Variants in FAM171A1 observed in about 807,000 individuals in gnomAD.
FAM171A1 encodes the protein protein FAM171A1.
In FAM171A1, 23 loss-of-function variants were observed where a neutral mutation model predicts 74.9. The ratio of observed to expected loss-of-function variants is 0.31; its 90% CI spans 0.22 to 0.44. The LOEUF is 0.44. Among genes scored for constraint, FAM171A1 ranks in the 20% least tolerant of loss-of-function variants. FAM171A1 has a pLI of 1.00. For synonymous variants in FAM171A1, 527 were observed against 505.7 expected (o/e 1.04, Z -0.57); for missense variants, 1,162 against 1,159.2 (o/e 1.00, Z -0.03).
upstream of FAM171A1, among the ~76,000 whole-genome samples, chr10:15,371,688 G>T (rs1836152479): frequency 1.3e-5 from 2 of 152,240 alleles, no homozygotes; most frequent in South Asian, 4.1e-4. Context: ...CGTGTTGGCG[G>T]GTGGACAGCT....
Position 15,213,330 on chromosome 10 carries a change from C to G in FAM171A1, c.2258G>C (p.Arg753Pro). Residue 753 changes from arginine to proline, a missense_variant, in exon 8 of 8, where the codon CGG becomes CCG. Coordinates refer to ENST00000378116, the MANE Select transcript of FAM171A1 (RefSeq NM_001010924.2). The surrounding 1 kb of genome is among the most constrained non-coding windows in gnomAD (Gnocchi z 6.8). Reference sequence around the variant, plus strand: ...AGACAAAGCATCTCCCCTTCCCTTCCGGGCTGATTTTGGTTCATTCATATC... The same window carrying G: ...AGACAAAGCATCTCCCCTTCCCTTCGGGGCTGATTTTGGTTCATTCATATC... The part of the protein sequence containing the change: ...GVDMNEPKSA[R>P]KGRGDALSLQ... 1 of 1,614,166 alleles carries G rather than the reference C, an allele frequency of 6.2e-7. No homozygotes were observed. Among genetic ancestry groups the G allele is most frequent in the Non-Finnish European group, 8.5e-7 (1 of 1,180,036 alleles).
chr10:15,332,530 C>T (rs1281218169), intron 1 of FAM171A1, among the ~76,000 whole-genome samples: 5 of 152,184 alleles, frequency 3.3e-5, no homozygotes, highest in Non-Finnish European at 7.3e-5. Context: ...TTGTCATATC[C>T]ATCAATGCTT....
chr10:15,314,020 C>A (rs1404885640), intron 1 of FAM171A1, among the ~76,000 whole-genome samples: 1 of 152,176 alleles, frequency 6.6e-6, no homozygotes, highest in Non-Finnish European at 1.5e-5. Flanking sequence ...TTCCTGAAGC[C>A]TTTTCTGTGT....
chr10:15,277,603 T>A (rs759737534), intron 2 of FAM171A1, among the ~76,000 whole-genome samples: 39 of 152,102 alleles, frequency 2.6e-4, no homozygotes, highest in Non-Finnish European at 3.5e-4. Flanking sequence ...TCACCCAATA[T>A]CCCACAGCTA....
In FAM171A1 at chr10:15,212,795, C is replaced by T. The variant is rs1833907029; in HGVS notation, c.*120G>A. ...ACACGGCAAACAGGAATGCAGTAAACGTCCACGTCCGTCCCACGGCTGGGC... is the reference window on the plus strand; with the variant it reads ...ACACGGCAAACAGGAATGCAGTAAATGTCCACGTCCGTCCCACGGCTGGGC... On this transcript the variant is annotated 3_prime_UTR_variant, in exon 8 of 8. Coordinates refer to ENST00000378116, the MANE Select transcript of FAM171A1 (RefSeq NM_001010924.2). 6 of 1,250,066 alleles carry T rather than the reference C, an allele frequency of 4.8e-6. No homozygotes were observed. The highest frequency in any genetic ancestry group is 6.7e-6 in the Non-Finnish European group (6 of 899,842). The allele number at this position is 1,250,066 out of a possible 1,614,324, so 77.4% of individuals were successfully genotyped here.
At chr10:15,249,098 C>CTTT (rs71390024) in intron 4 of FAM171A1, among the ~76,000 whole-genome samples, 60 of 133,862 alleles carry the variant, frequency 4.5e-4, no homozygotes, top group Admixed American at 2.2e-3. Context: ...TTTCTTTTTT[C>CTTT]TTTTTTTTTT....
At chr10:15,278,107 G>A (rs1834917781) in intron 2 of FAM171A1, among the ~76,000 whole-genome samples, 1 of 152,098 alleles carries the variant, frequency 6.6e-6, no homozygotes, top group South Asian at 2.1e-4. Flanking sequence ...GGCCGTGGAT[G>A]TGACCTCTTT....
At chr10:15,279,900 TAAAACAAAAC>T (rs142632154) in intron 2 of FAM171A1, among the ~76,000 whole-genome samples, 3 of 149,634 alleles carry the variant, frequency 2.0e-5, no homozygotes, top group African/African-American at 2.5e-5. Context: ...TCTTGAAAAA[TAAAACAAAAC>T]AAAACAAAAC....
intron 5 of FAM171A1, among the ~76,000 whole-genome samples, chr10:15,228,665 G>A (rs746310723): frequency 1.3e-5 from 2 of 152,192 alleles, no homozygotes; most frequent in African/African-American, 2.4e-5. Context: ...TTACTATGCT[G>A]AGATTTGTTA....
chr10:15,253,627 T>C (rs991167209), intron 4 of FAM171A1, among the ~76,000 whole-genome samples: 2 of 152,214 alleles, frequency 1.3e-5, no homozygotes, highest in South Asian at 4.1e-4. Context: ...TTTTTCAGAA[T>C]AATCAGTTTA....
intron 5 of FAM171A1, among the ~76,000 whole-genome samples, chr10:15,244,962 A>C (rs1003734237): frequency 3.9e-5 from 6 of 152,212 alleles, no homozygotes; most frequent in African/African-American, 1.4e-4. Flanking sequence ...GCTAGGCCAC[A>C]GTCCCCAGAA....
chr10:15,308,902 G>C (rs1048390285), intron 1 of FAM171A1, among the ~76,000 whole-genome samples: 3 of 151,710 alleles, frequency 2.0e-5, no homozygotes, highest in African/African-American at 7.3e-5. Flanking sequence ...CTGACCTCAA[G>C]TGATCCACCC....
chr10:15,332,956 C>A (rs74124812), intron 1 of FAM171A1, among the ~76,000 whole-genome samples: 4,918 of 152,262 alleles, frequency 0.032, 276 homozygotes, highest in African/African-American at 0.11. Context: ...ATCCTCAACA[C>A]AGAGCCCACC....
intron 1 of FAM171A1, among the ~76,000 whole-genome samples, chr10:15,299,215 G>A (rs564912344): frequency 6.6e-6 from 1 of 152,318 alleles, no homozygotes; most frequent in African/African-American, 2.4e-5. Context: ...CACCGCGCCA[G>A]GCCAGTTTTG....
chr10:15,212,636 T>C lies in FAM171A1; in HGVS notation c.*279A>G. 2.1e-6 allele frequency: 1 copy of C among 479,756 alleles called. No individual in the cohort carries two copies. Among genetic ancestry groups the C allele is most frequent in the East Asian group, 4.0e-5 (1 of 25,226 alleles). The allele number at this position is 479,756 out of a possible 1,614,324, so 29.7% of individuals were successfully genotyped here. ...AGCGACATCACGTGCGGTTTCTTAA[T>C]GTCCCTGGTGGCGGATACGCCGAGT... On this transcript the variant is annotated 3_prime_UTR_variant, in exon 8 of 8. Coordinates refer to ENST00000378116, the MANE Select transcript of FAM171A1 (RefSeq NM_001010924.2).
chr10:15,252,393 T>G (rs1386522259), intron 4 of FAM171A1, among the ~76,000 whole-genome samples: 1 of 152,218 alleles, frequency 6.6e-6, no homozygotes, highest in African/African-American at 2.4e-5. Flanking sequence ...GTTATGACGC[T>G]AGTCATTTTC....
intron 2 of FAM171A1, among the ~76,000 whole-genome samples, chr10:15,280,105 CA>C (rs1013525173): frequency 1.3e-5 from 2 of 151,670 alleles, no homozygotes; most frequent in Admixed American, 6.6e-5. Flanking sequence ...GAAAAAAACC[CA>C]AAAAATTTGC....
At chr10:15,279,357 C>G (rs745966949) in intron 2 of FAM171A1, among the ~76,000 whole-genome samples, 1 of 152,122 alleles carries the variant, frequency 6.6e-6, no homozygotes, top group Non-Finnish European at 1.5e-5. Flanking sequence ...TTGGCACCAG[C>G]AGGGACTTCC....
intron 1 of FAM171A1, among the ~76,000 whole-genome samples, chr10:15,345,084 A>C (rs1835803881): frequency 6.6e-6 from 1 of 152,220 alleles, no homozygotes; most frequent in African/African-American, 2.4e-5. Flanking sequence ...TGATCTGTTT[A>C]ATCTTGTAAC....
Sources: gnomAD v4.1 joint callset for allele counts (sites outside exome capture counted in the v4.1 genomes callset) on GRCh38, gnomAD v4.1.1 for gene constraint, Gnocchi (gnomAD v3.1) non-coding constraint, MANE v1.5 for transcripts, NCBI Gene and HGNC (gene_info 2026-07-23, HGNC 2026-07-21) for gene names.